The following ACTR3C variants were observed in gnomAD, a reference collection of about 807,000 sequenced individuals.
The protein encoded by ACTR3C is actin related protein 3C, also known as actin-related protein 3C.
A neutral mutation model predicts 26.3 loss-of-function variants in ACTR3C; 18 were observed. The ratio of observed to expected loss-of-function variants is 0.68; its 90% CI spans 0.47 to 1.01. The LOEUF is 1.01. Ranked by LOEUF, ACTR3C falls within the 50% of genes least tolerant of loss-of-function variation. The pLI is 0.00. For missense variants in ACTR3C, 184 were observed against 250.7 expected (o/e 0.73, Z 1.80); for synonymous variants, 55 against 94.5 (o/e 0.58, Z 2.42).
the ACTR3C span, among the ~76,000 whole-genome samples, chr7:149,998,400 C>A: frequency 6.7e-6 from 1 of 149,582 alleles, no homozygotes; most frequent in South Asian, 2.2e-4. Context: ...CATTCTCACA[C>A]AGCTAATAAA....
chr7:150,201,235 G>A, the ACTR3C span, among the ~76,000 whole-genome samples: 1 of 152,126 alleles, frequency 6.6e-6, no homozygotes, highest in South Asian at 2.1e-4. Context: ...CACCACCCAG[G>A]TGCTGCCCCA....
At chr7:149,924,103 C>T in the ACTR3C span, among the ~76,000 whole-genome samples, 6 of 150,308 alleles carry the variant, frequency 4.0e-5, no homozygotes, top group African/African-American at 9.8e-5. Context: ...TAGCCAGGCA[C>T]GGTGGCTCAT....
chr7:150,011,325 G>A, the ACTR3C span, among the ~76,000 whole-genome samples: 2 of 151,784 alleles, frequency 1.3e-5, no homozygotes, highest in Non-Finnish European at 2.9e-5. Flanking sequence ...GGTGGCTCAC[G>A]CCTGTAATCT....
chr7:150,095,729 C>A, the ACTR3C span, among the ~76,000 whole-genome samples: 688 of 149,832 alleles, frequency 4.6e-3, 63 homozygotes, highest in African/African-American at 0.016. Flanking sequence ...ACTATCATGA[C>A]CCTCTGTAAA....
intron 1 of ACTR3C, among the ~76,000 whole-genome samples, chr7:150,309,018 G>A (rs1052457331): frequency 6.6e-6 from 1 of 152,100 alleles, no homozygotes; most frequent in Admixed American, 6.6e-5. Flanking sequence ...CCAGATGAGC[G>A]GGAAAGAGTT....
At chr7:150,034,244 A>G in the ACTR3C span, among the ~76,000 whole-genome samples, 38 of 151,684 alleles carry the variant, frequency 2.5e-4, no homozygotes, top group East Asian at 5.8e-3. Context: ...TAGGGGGGCC[A>G]TCCTTTAGCA....
the ACTR3C span, among the ~76,000 whole-genome samples, chr7:150,015,317 T>C: frequency 6.6e-6 from 1 of 152,130 alleles, no homozygotes; most frequent in Non-Finnish European, 1.5e-5. Context: ...TCTCTGATGT[T>C]TTGCAGAGAA....
the ACTR3C span, among the ~76,000 whole-genome samples, chr7:150,092,309 A>G: frequency 1.3e-4 from 19 of 149,604 alleles, 1 homozygote; most frequent in African/African-American, 4.7e-4. Flanking sequence ...GAAAAAGTAC[A>G]CTGAAATGGC....
At chr7:150,321,932 C>T (rs541921514) in intron 1 of ACTR3C, among the ~76,000 whole-genome samples, 1 of 152,298 alleles carries the variant, frequency 6.6e-6, no homozygotes, top group Admixed American at 6.5e-5. Flanking sequence ...ACTAGGGAAG[C>T]CTGCCCCCGG....
chr7:150,194,358 T>C, the ACTR3C span, among the ~76,000 whole-genome samples: 1 of 148,760 alleles, frequency 6.7e-6, no homozygotes, highest in Admixed American at 6.7e-5. Context: ...AAAAGTCTTT[T>C]ATATCAGAGG....
the ACTR3C span, chr7:150,047,822 C>A: frequency 3.3e-6 from 5 of 1,528,236 alleles, no homozygotes; most frequent in South Asian, 6.0e-5. Context: ...AGGTGTTGAT[C>A]TTGCCGGTGA....
chr7:149,969,449 A>G, the ACTR3C span, among the ~76,000 whole-genome samples: 1 of 152,122 alleles, frequency 6.6e-6, no homozygotes, highest in Non-Finnish European at 1.5e-5. Context: ...CGTGTACAGC[A>G]AGCAGCTCAG....
At chr7:150,241,619 T>C (rs1832179256), downstream of ACTR3C, among the ~76,000 whole-genome samples, 2 of 151,940 alleles carry the variant, frequency 1.3e-5, no homozygotes, top group Admixed American at 6.6e-5. Flanking sequence ...GTATTAACTA[T>C]AAAAGAAAAA....
At chr7:150,024,935 C>A in the ACTR3C span, among the ~76,000 whole-genome samples, 1 of 151,826 alleles carries the variant, frequency 6.6e-6, no homozygotes, top group Non-Finnish European at 1.5e-5. Flanking sequence ...AGCAGCAAAG[C>A]GCAGGCGGCT....
the ACTR3C span, among the ~76,000 whole-genome samples, chr7:150,128,698 T>C: frequency 6.6e-6 from 1 of 151,400 alleles, no homozygotes; most frequent in Non-Finnish European, 1.5e-5. Context: ...ATCAGTGTGA[T>C]AGTAAACCTA....
At chr7:149,933,990 C>T in the ACTR3C span, among the ~76,000 whole-genome samples, 1 of 147,632 alleles carries the variant, frequency 6.8e-6, no homozygotes, top group Non-Finnish European at 1.5e-5. Flanking sequence ...GCACAGATTC[C>T]GGTGTTAAGT....
At chr7:150,166,196 C>T in the ACTR3C span, among the ~76,000 whole-genome samples, 1 of 151,180 alleles carries the variant, frequency 6.6e-6, no homozygotes, top group Non-Finnish European at 1.5e-5. Flanking sequence ...CTACAAACAG[C>T]TTAAACTAAG....
chr7:150,058,320 T>G, the ACTR3C span, among the ~76,000 whole-genome samples: 1 of 152,206 alleles, frequency 6.6e-6, no homozygotes, highest in Admixed American at 6.5e-5. Flanking sequence ...TCTTCCGTCT[T>G]ATTGGAACAC....
intron 1 of ACTR3C, among the ~76,000 whole-genome samples, chr7:150,316,479 G>A (rs1563212984): frequency 1.5e-5 from 2 of 131,870 alleles, no homozygotes; most frequent in Admixed American, 1.6e-4. Flanking sequence ...TTTAGAATCT[G>A]GTTATTTTTT....
Sources: gnomAD v4.1 joint callset for allele counts (sites outside exome capture counted in the v4.1 genomes callset) on GRCh38, gnomAD v4.1.1 for gene constraint, MANE v1.5 for transcripts, NCBI Gene and HGNC (gene_info 2026-07-23, HGNC 2026-07-21) for gene names.